The following TCTN1 variants were observed in gnomAD, a reference collection of about 807,000 sequenced individuals.
TCTN1 encodes tectonic family member 1.
In TCTN1, 58 loss-of-function variants were observed where a neutral mutation model predicts 65.8. The ratio of observed to expected loss-of-function variants is 0.88; its 90% CI spans 0.71 to 1.10. The LOEUF is 1.10. Ranked by LOEUF, TCTN1 falls within the 50% of genes least tolerant of loss-of-function variation. The pLI, the probability that TCTN1 is intolerant of heterozygous loss-of-function variation, is 0.00. For missense variants in TCTN1, 645 were observed against 719.4 expected (o/e 0.90, Z 1.18); for synonymous variants, 273 against 289.1 (o/e 0.94, Z 0.57).
At chr12:110,617,026 T>A (rs2065087798) in intron 1 of TCTN1, 1 of 152,222 alleles carries the variant, frequency 6.6e-6, no homozygotes. Context: ...TTTTCCTAAG[T>A]GGAGTTATTA....
At chr12:110,647,042 G>A (rs551150126) in intron 12 of TCTN1, 154 bp from the exon 13 acceptor site, 4 of 854,060 alleles carry the variant, frequency 4.7e-6, no homozygotes, top group South Asian at 1.7e-5. Context: ...TTTAAAACAC[G>A]TATATTCTCT....
intron 13 of TCTN1, 152 bp from the exon 14 acceptor site, chr12:110,647,597 C>G (rs150779073): frequency 8.1e-6 from 10 of 1,233,762 alleles, no homozygotes; most frequent in Admixed American, 2.0e-5. Flanking sequence ...AATTGTTTCT[C>G]TCATCCAAGT....
intron 10 of TCTN1, 24 bp from the exon 11 acceptor site, chr12:110,642,225 G>A: frequency 6.2e-7 from 1 of 1,614,098 alleles, no homozygotes; most frequent in Non-Finnish European, 8.5e-7. Context: ...GCACTAGGCA[G>A]TTGTCCCTTA....
At chr12:110,632,747 GT>G (rs2066318107) in intron 5 of TCTN1, among the ~76,000 whole-genome samples, 188 bp downstream of exon 5, 1 of 152,048 alleles carries the variant, frequency 6.6e-6, no homozygotes, top group African/African-American at 2.4e-5. Context: ...GAATCTTCGG[GT>G]TAAAAGAGGC....
rs559007608 is a variant in TCTN1, at chr12:110,647,659, T to C, written c.1636-90T>C. The stretch of plus-strand genomic sequence containing the variant: ...TATCAGATTCATGAACTGACAGTAG[T>C]TGGGTGAGGAAGAGAATGAAAAGTG... On this transcript the variant is annotated intron_variant, in intron 13 of 14. Transcript: ENST00000397659. 1,191 of 1,580,586 alleles carry C rather than the reference T, an allele frequency of 7.5e-4. 1 individual carries two copies. Among genetic ancestry groups the C allele is most frequent in the Non-Finnish European group, 9.6e-4 (1,110 of 1,150,766 alleles).
In TCTN1 at chr12:110,640,479, G is replaced by A. The variant is rs199529768; in HGVS notation, c.940G>A (p.Ala314Thr). 95 of 1,614,068 alleles carry A rather than the reference G, an allele frequency of 5.9e-5. 1 individual carries two copies. In the Admixed American group the frequency reaches 9.7e-4, roughly 16 times the overall value. Residue 314 changes from alanine to threonine, a missense_variant, in exon 8 of 15, where the codon GCT (alanine) becomes ACT (threonine). Physicochemically the swap from Ala to Thr is moderately conservative, Grantham distance 58 (BLOSUM62 0). Coordinates refer to ENST00000397659, the MANE Select transcript of TCTN1 (RefSeq NM_001082538.3). This position sits in a 1 kb window ranked among gnomAD's most constrained non-coding sequence, Gnocchi z 4.9. ...TGTGCTGCAGCCGACTCTCGTCAAC[G>A]CTGGACACTTTAGCCTTTGCGTGAA... ...TDVLQPTLVN[A>T]GHFSLCVNVV...
At chr12:110,619,760 GT>G in intron 1 of TCTN1, 75 bp from the exon 2 acceptor site, 1 of 1,606,606 alleles carries the variant, frequency 6.2e-7, no homozygotes, top group Non-Finnish European at 8.5e-7. Flanking sequence ...TTGACTTATG[GT>G]ACACTGTGGT....
intron 2 of TCTN1, 116 bp downstream of exon 2, chr12:110,620,072 C>A: frequency 6.7e-7 from 1 of 1,496,682 alleles, no homozygotes; most frequent in Non-Finnish European, 9.3e-7. Context: ...CAGTGTTTTA[C>A]GTCGTTCTGA....
intron 7 of TCTN1, 48 bp downstream of exon 7, chr12:110,636,549 A>G: frequency 9.2e-7 from 1 of 1,091,312 alleles, no homozygotes; most frequent in Non-Finnish European, 1.4e-6. Flanking sequence ...ATAGTTTATA[A>G]TACTGTCTTA....
rs1222955267 is a variant in TCTN1 at position 110,639,468 on chromosome 12, G to T, written c.844-915G>T. On this transcript the variant is annotated intron_variant, in intron 7 of 14. Transcript: ENST00000397659. The surrounding 1 kb of genome is among the most constrained non-coding windows in gnomAD (Gnocchi z 4.9). The stretch of plus-strand genomic sequence containing the variant: ...TGTGTGTGTGTGTGTGTGTATGTGT[G>T]TGTGAGCGTGCTTGCGCTTGTATAG... 6.6e-6 allele frequency among the ~76,000 whole-genome samples: 1 copy of T among 152,116 alleles called. No individual in the cohort carries two copies. The highest frequency in any genetic ancestry group is 1.5e-5 in the Non-Finnish European group (1 of 68,020).
intron 1 of TCTN1, among the ~76,000 whole-genome samples, chr12:110,619,035 G>C (rs376431852): frequency 6.6e-6 from 1 of 151,424 alleles, no homozygotes; most frequent in Non-Finnish European, 1.5e-5. Context: ...AAAAAAAGTT[G>C]GGCGTGGTAG....
At position 110,640,486 on chromosome 12, in the gene TCTN1, A is replaced by G; in HGVS notation, c.947A>G (p.His316Arg). 2 of 1,614,234 alleles carry G rather than the reference A, an allele frequency of 1.2e-6. No homozygotes were observed. The highest frequency in any genetic ancestry group is 2.2e-5 in the South Asian group (2 of 91,092). Residue 316 changes from histidine (H) to arginine (R), a missense_variant, in exon 8 of 15, where the codon CAC becomes CGC. Coordinates refer to ENST00000397659, the MANE Select transcript of TCTN1 (RefSeq NM_001082538.3). This position sits in a 1 kb window ranked among gnomAD's most constrained non-coding sequence, Gnocchi z 4.9. ...CAGCCGACTCTCGTCAACGCTGGAC[A>G]CTTTAGCCTTTGCGTGAATGTTGTT... is the stretch of plus-strand genomic sequence containing the variant. ...VLQPTLVNAGHFSLCVNVVLE... is the reference protein window; with the variant it reads ...VLQPTLVNAGRFSLCVNVVLE...
At chr12:110,620,858 G>A (rs1442316208) in intron 2 of TCTN1, among the ~76,000 whole-genome samples, 2 of 149,962 alleles carry the variant, frequency 1.3e-5, no homozygotes, top group African/African-American at 4.9e-5. Flanking sequence ...TGTTGCCCAG[G>A]CTGGAGTGCA....
Position 110,634,494 on chromosome 12 carries a change from C to T in TCTN1, c.713-176C>T, listed in dbSNP as rs1337446365. The T allele has an allele frequency of 3.7e-5, 23 of 619,988 alleles. No homozygotes were observed. The East Asian group carries it at 4.5e-4, about 12-fold the overall frequency. 38.4% of individuals were successfully genotyped at this position (619,988 alleles called of 1,614,324 possible). ...GAGTTTGAGACCAGTCTGGGCAACA[C>T]GGTGAAACCTTGTCTCTACTAAAAA... On this transcript the variant is annotated intron_variant, in intron 5 of 14. Coordinates refer to ENST00000397659, the MANE Select transcript of TCTN1 (RefSeq NM_001082538.3).
At position 110,636,508 on chromosome 12, in the gene TCTN1, G is replaced by A; in HGVS notation, c.843+7G>A. Reference sequence around the variant, plus strand: ...ACCTGATTCAAGAAAAAAGGTAAGAGTATTTATTTATTTTTGTAATAGAAA... The same window carrying A: ...ACCTGATTCAAGAAAAAAGGTAAGAATATTTATTTATTTTTGTAATAGAAA... On this transcript the variant is annotated splice_region_variant and intron_variant, in intron 7 of 14. Coordinates refer to ENST00000397659, the MANE Select transcript of TCTN1 (RefSeq NM_001082538.3). 1.5e-6 allele frequency: 2 copies of A among 1,328,920 alleles called. No homozygotes were observed. Among genetic ancestry groups the A allele is most frequent in the Non-Finnish European group, 1.1e-6 (1 of 934,814 alleles). 82.3% of individuals were successfully genotyped at this position (1,328,920 alleles called of 1,614,324 possible).
At chr12:110,627,225 G>C (rs1057200327) in intron 3 of TCTN1, among the ~76,000 whole-genome samples, 8 of 151,184 alleles carry the variant, frequency 5.3e-5, no homozygotes, top group Non-Finnish European at 1.2e-4. Context: ...AGCCTCCCGA[G>C]TAGCTGAGAT....
rs1242500724 is a variant in TCTN1 at position 110,634,782 on chromosome 12, A to G, written c.822+3A>G. On this transcript the variant is annotated splice_donor_region_variant and intron_variant, in intron 6 of 14. Coordinates refer to ENST00000397659, the MANE Select transcript of TCTN1 (RefSeq NM_001082538.3). ...ACAGCAGCCCGGAAATTCTGAGGGT[A>G]AGAATTATTTTGAAGTGGAACTTAC... is the stretch of plus-strand genomic sequence containing the variant. The G allele has an allele frequency of 1.2e-6, 2 of 1,600,712 alleles. No individual in the cohort carries two copies. The highest frequency in any genetic ancestry group is 3.4e-5 in the Admixed American group (2 of 59,016).
At chr12:110,623,668 G>C (rs2065609072) in intron 2 of TCTN1, among the ~76,000 whole-genome samples, 1 of 152,140 alleles carries the variant, frequency 6.6e-6, no homozygotes, top group African/African-American at 2.4e-5. Context: ...ATAGCTCGCT[G>C]TAACCTTGCT....
chr12:110,617,254 TAGACTA>T (rs1281174664), intron 1 of TCTN1, among the ~76,000 whole-genome samples: 1 of 152,120 alleles, frequency 6.6e-6, no homozygotes, highest in African/African-American at 2.4e-5. Flanking sequence ...TTTTGTGTCT[TAGACTA>T]AGAAATCATG....
Sources: allele counts gnomAD v4.1 joint callset (sites outside exome capture counted in the v4.1 genomes callset), GRCh38; gene constraint gnomAD v4.1.1; non-coding constraint Gnocchi (gnomAD v3.1); transcripts MANE v1.5; gene names NCBI Gene and HGNC (gene_info 2026-07-23, HGNC 2026-07-21).